CCSER1: variants seen among roughly 807,000 people sequenced by gnomAD.
CCSER1 encodes serine-rich coiled-coil domain-containing protein 1.
A neutral mutation model predicts 82.0 loss-of-function variants in CCSER1; 41 were observed. The ratio of observed to expected loss-of-function variants is 0.50; its 90% CI spans 0.39 to 0.65. CCSER1 has a LOEUF of 0.65. Among genes scored for constraint, CCSER1 ranks in the 30% least tolerant of loss-of-function variants. CCSER1 has a pLI of 0.00. For missense variants in CCSER1, 1,119 were observed against 1,064.2 expected, an observed-to-expected ratio of 1.05 and a Z score of -0.72; for synonymous variants, 414 against 383.9, an observed-to-expected ratio of 1.08 and a Z score of -0.92.
chr4:90,298,441 C>A (rs1403224250), intron 1 of CCSER1, among the ~76,000 whole-genome samples: 2 of 151,082 alleles, frequency 1.3e-5, no homozygotes, highest in East Asian at 3.9e-4. Flanking sequence ...TTTCAAAAAA[C>A]CAGCTCCTGG....
intron 1 of CCSER1, among the ~76,000 whole-genome samples, chr4:90,150,433 A>G (rs1726615529): frequency 6.6e-6 from 1 of 152,150 alleles, no homozygotes; most frequent in Non-Finnish European, 1.5e-5. Context: ...TGGGGAAAGG[A>G]TGTCAATAAT....
intron 8 of CCSER1, among the ~76,000 whole-genome samples, chr4:90,859,471 C>A (rs780393485): frequency 2.0e-5 from 3 of 151,708 alleles, no homozygotes; most frequent in Non-Finnish European, 3.0e-5. Flanking sequence ...ACAAAAGATT[C>A]AAGGAATTCT....
intron 6 of CCSER1, among the ~76,000 whole-genome samples, chr4:90,684,841 C>T (rs1396592379): frequency 6.6e-6 from 1 of 152,030 alleles, no homozygotes; most frequent in Non-Finnish European, 1.5e-5. Flanking sequence ...GGGGTGGACT[C>T]TTGCACAAGC....
At chr4:90,846,433 T>G (rs1003237497) in intron 8 of CCSER1, among the ~76,000 whole-genome samples, 37 of 152,128 alleles carry the variant, frequency 2.4e-4, no homozygotes, top group African/African-American at 8.9e-4. Flanking sequence ...TCATAATGAT[T>G]AAATTTTTAT....
intron 10 of CCSER1, among the ~76,000 whole-genome samples, chr4:91,166,058 C>G (rs1732029774): frequency 6.6e-6 from 1 of 152,090 alleles, no homozygotes. Flanking sequence ...ATTTGGCCAT[C>G]TTGAAATGGA....
intron 5 of CCSER1, among the ~76,000 whole-genome samples, chr4:90,608,493 TCA>T (rs1466936348): frequency 6.6e-6 from 1 of 152,174 alleles, no homozygotes; most frequent in Non-Finnish European, 1.5e-5. Flanking sequence ...CCCATTAAAT[TCA>T]CAGTTTCTGT....
chr4:91,044,693 C>T (rs1161285915), intron 9 of CCSER1, among the ~76,000 whole-genome samples: 1 of 152,196 alleles, frequency 6.6e-6, no homozygotes, highest in Non-Finnish European at 1.5e-5. Context: ...TACCTCATCT[C>T]CCAACCTACT....
intron 7 of CCSER1, among the ~76,000 whole-genome samples, chr4:90,767,969 A>G (rs1168720040): frequency 1.3e-5 from 2 of 152,184 alleles, no homozygotes; most frequent in Admixed American, 1.3e-4. Context: ...GGAAGTTCTA[A>G]TAGGTGTCTG....
intron 6 of CCSER1, among the ~76,000 whole-genome samples, chr4:90,665,380 G>A (rs1449430412): frequency 6.6e-6 from 1 of 151,022 alleles, no homozygotes; most frequent in Non-Finnish European, 1.5e-5. Flanking sequence ...GGAGTGCAGT[G>A]GCGTGATCTC....
chr4:90,724,025 AATATT>A, intron 7 of CCSER1, 34 bp downstream of exon 7: 1 of 1,277,198 alleles, frequency 7.8e-7, no homozygotes, highest in Non-Finnish European at 1.1e-6. Context: ...TATTTATAAA[AATATT>A]AGGATAGTTA....
At chr4:90,941,291 G>A (rs62312322) in intron 9 of CCSER1, among the ~76,000 whole-genome samples, 2 of 151,838 alleles carry the variant, frequency 1.3e-5, no homozygotes, top group African/African-American at 4.8e-5. Flanking sequence ...TAGAATGTAG[G>A]CACTTATCAT....
At chr4:90,496,598 A>G (rs569550698) in intron 5 of CCSER1, among the ~76,000 whole-genome samples, 2 of 152,196 alleles carry the variant, frequency 1.3e-5, no homozygotes, top group East Asian at 1.9e-4. Flanking sequence ...TTTTAGTTAA[A>G]CACCTCTCAG....
intron 10 of CCSER1, among the ~76,000 whole-genome samples, chr4:91,409,144 A>G (rs1426017167): frequency 6.6e-6 from 1 of 152,224 alleles, no homozygotes; most frequent in Admixed American, 6.5e-5. Flanking sequence ...ATCATTTACA[A>G]TAGTGAATCT....
intron 10 of CCSER1, among the ~76,000 whole-genome samples, chr4:91,399,319 G>C (rs1752179320): frequency 6.6e-6 from 1 of 151,816 alleles, no homozygotes; most frequent in African/African-American, 2.4e-5. Context: ...ATAGTTTAAA[G>C]ATGGCTATAT....
At chr4:90,641,371 G>C (rs531355518) in intron 6 of CCSER1, among the ~76,000 whole-genome samples, 19 of 152,086 alleles carry the variant, frequency 1.2e-4, no homozygotes, top group Non-Finnish European at 1.8e-4. Context: ...TTATCTGTTA[G>C]AGGTAGTGGG....
At chr4:90,476,477 C>G (rs1486207203) in intron 5 of CCSER1, among the ~76,000 whole-genome samples, 1 of 152,030 alleles carries the variant, frequency 6.6e-6, no homozygotes, top group Non-Finnish European at 1.5e-5. Context: ...AGGCAGCCGG[C>G]TAGATGTTTT....
chr4:91,378,472 T>A (rs566186246), intron 10 of CCSER1, among the ~76,000 whole-genome samples: 8 of 152,334 alleles, frequency 5.3e-5, no homozygotes, highest in African/African-American at 1.9e-4. Flanking sequence ...TCACATTCCT[T>A]GTAAGTTGGA....
intron 10 of CCSER1, among the ~76,000 whole-genome samples, chr4:91,166,905 G>A (rs891899858): frequency 1.3e-5 from 2 of 151,934 alleles, no homozygotes; most frequent in Admixed American, 1.3e-4. Context: ...TTTTCTGATA[G>A]AATTTACAAA....
chr4:90,768,677 G>T (rs911299390), intron 7 of CCSER1, among the ~76,000 whole-genome samples: 2 of 152,148 alleles, frequency 1.3e-5, no homozygotes, highest in African/African-American at 4.8e-5. Flanking sequence ...ATTGGAAACT[G>T]GAGGAAAGAT....
Sources: gnomAD v4.1 joint callset for allele counts (sites outside exome capture counted in the v4.1 genomes callset) on GRCh38, gnomAD v4.1.1 for gene constraint, MANE v1.5 for transcripts, NCBI Gene and HGNC (gene_info 2026-07-23, HGNC 2026-07-21) for gene names.